Variants in ARL13B observed in about 807,000 individuals in gnomAD.
ARL13B encodes the protein ARF like GTPase 13B.
ARL13B carries 36 observed loss-of-function variants against 56.1 expected under a neutral mutation model. That is an observed-to-expected ratio of 0.64 (90% CI 0.49 to 0.85). The LOEUF is 0.85. Ranked by LOEUF, ARL13B falls within the 40% of genes least tolerant of loss-of-function variation. The probability of loss-of-function intolerance (pLI) is 0.00; values close to 1 mark genes in which losing one functional copy is unlikely to be tolerated. For missense variants in ARL13B, 519 were observed against 507.1 expected (o/e 1.02, Z -0.23); for synonymous variants, 178 against 171.1 (o/e 1.04, Z -0.32).
intron 2 of ARL13B, among the ~76,000 whole-genome samples, chr3:94,000,758 A>G (rs1481029934): frequency 6.6e-6 from 1 of 152,118 alleles, no homozygotes; most frequent in African/African-American, 2.4e-5. Context: ...GAAATGCTCA[A>G]AAATTTATTG....
intron 3 of ARL13B, chr3:94,015,295 A>C: frequency 6.7e-7 from 1 of 1,499,502 alleles, no homozygotes; most frequent in South Asian, 1.4e-5. Flanking sequence ...AAGAAGCAAA[A>C]ATTTTTGTGT....
At position 94,054,824 on chromosome 3, in the gene ARL13B, A is replaced by G. The variant is rs753971802; in HGVS notation, c.*1561A>G. 4 of 374,172 alleles carry G rather than the reference A, an allele frequency of 1.1e-5. No individual in the cohort carries two copies. The allele number at this position is 374,172 out of a possible 1,614,324, so 23.2% of individuals were successfully genotyped here. A position where few individuals can be genotyped will look rare whatever the true frequency, so the allele number is the denominator to read the frequency against. On this transcript the variant is annotated 3_prime_UTR_variant, in exon 10 of 10. Transcript: ENST00000394222. Reference sequence around the variant, plus strand: ...TCAGATCTAAAATTCGTAACAACCTAAATTTGAGAGGTGGCTGAAATGTGA... The same window carrying G: ...TCAGATCTAAAATTCGTAACAACCTGAATTTGAGAGGTGGCTGAAATGTGA...
chr3:94,036,806 C>T lies in ARL13B; in HGVS notation c.689+52C>T, dbSNP rs1173328115. 3.3e-6 allele frequency: 5 copies of T among 1,536,218 alleles called. No homozygotes were observed. The African/African-American group carries it at 6.9e-5, about 21-fold the overall frequency. Reference sequence around the variant, plus strand: ...TGCATTTGAAGGATCAAAAACATAACAATTTTATGAATCAGTTGTTAGTTT... The same window carrying T: ...TGCATTTGAAGGATCAAAAACATAATAATTTTATGAATCAGTTGTTAGTTT... On this transcript the variant is annotated intron_variant, in intron 5 of 9. Coordinates refer to ENST00000394222, the MANE Select transcript of ARL13B (RefSeq NM_001174150.2).
At position 94,024,041 on chromosome 3, in the gene ARL13B, A is replaced by G. The variant is rs1003740753; in HGVS notation, c.381-11290A>G. 7.2e-5 allele frequency among the ~76,000 whole-genome samples: 11 copies of G among 152,256 alleles called. No homozygotes were observed. The East Asian group carries it at 1.9e-3, about 27-fold the overall frequency. ...ACTATATGGAGATTGATATTCTTAT[A>G]TTTTCTTCTGCTTCAACTCATAGTC... is the stretch of plus-strand genomic sequence containing the variant. On this transcript the variant is annotated intron_variant, in intron 3 of 9. Coordinates refer to ENST00000394222, the MANE Select transcript of ARL13B (RefSeq NM_001174150.2).
At position 93,989,994 on chromosome 3, in the gene ARL13B, TTTTTGTTTTG is replaced by T. The variant is rs562407104; in HGVS notation, c.60-5861_60-5852del. ...GATAATACAGTTTGAGTATCTCTTT[TTTTTGTTTTG>T]TTTTGTTTTGTTTTGTTTGAGACGA... On this transcript the variant is annotated intron_variant, in intron 1 of 9. Transcript: ENST00000394222. 8.9e-3 allele frequency among the ~76,000 whole-genome samples: 1,347 copies of T among 152,040 alleles called. 9 individuals carry two copies. Among genetic ancestry groups the T allele is most frequent in the Non-Finnish European group, 0.013 (916 of 68,002 alleles).
chr3:94,025,828 A>G (rs2076544567), intron 3 of ARL13B, among the ~76,000 whole-genome samples: 1 of 152,146 alleles, frequency 6.6e-6, no homozygotes, highest in Non-Finnish European at 1.5e-5. Context: ...CTGTCTTTGT[A>G]TACAGATTAT....
At chr3:94,037,883 C>T (rs1385726840) in intron 5 of ARL13B, among the ~76,000 whole-genome samples, 1 of 152,036 alleles carries the variant, frequency 6.6e-6, no homozygotes, top group African/African-American at 2.4e-5. Flanking sequence ...TTATGGCAGG[C>T]TTTTCCAATA....
At chr3:94,052,240 T>G (rs2077078208) in intron 9 of ARL13B, among the ~76,000 whole-genome samples, 1 of 152,166 alleles carries the variant, frequency 6.6e-6, no homozygotes, top group Non-Finnish European at 1.5e-5. Context: ...TCATTTAACA[T>G]ACAAGTATTT....
chr3:94,011,149 A>T (rs1034161657), intron 3 of ARL13B, among the ~76,000 whole-genome samples: 16 of 152,250 alleles, frequency 1.1e-4, no homozygotes, highest in African/African-American at 3.8e-4. Context: ...TGTTTATGAA[A>T]TACATATTTT....
intron 3 of ARL13B, among the ~76,000 whole-genome samples, chr3:94,008,730 A>G (rs955401160): frequency 6.6e-6 from 1 of 152,110 alleles, no homozygotes; most frequent in Non-Finnish European, 1.5e-5. Context: ...TGAATCTCCT[A>G]ATGCTTTTAA....
intron 3 of ARL13B, 98 bp downstream of exon 3, chr3:94,004,006 C>T (rs186946002): frequency 4.6e-6 from 7 of 1,535,084 alleles, no homozygotes; most frequent in Non-Finnish European, 6.2e-6. Context: ...AAAATAGTCA[C>T]GCTTTAGTAT....
At chr3:94,006,304 A>G (rs1293629379) in intron 3 of ARL13B, among the ~76,000 whole-genome samples, 2 of 152,216 alleles carry the variant, frequency 1.3e-5, no homozygotes, top group East Asian at 3.8e-4. Flanking sequence ...TCAAAAATAA[A>G]TAAATAAAAT....
intron 3 of ARL13B, among the ~76,000 whole-genome samples, chr3:94,017,951 T>C (rs2107504275): frequency 6.6e-6 from 1 of 152,290 alleles, no homozygotes; most frequent in African/African-American, 2.4e-5. Flanking sequence ...ATAAAGGACT[T>C]GTGGGCCAAA....
In ARL13B at chr3:94,039,876, A is replaced by G; in HGVS notation, c.690-4A>G. The G allele has an allele frequency of 6.2e-7, 1 of 1,613,674 alleles. No homozygotes were observed. The highest frequency in any genetic ancestry group is 8.5e-7 in the Non-Finnish European group (1 of 1,179,796). ...AATTTCAATTATTTTTCCTCAAACG[A>G]TAGAAAACAAAATGAACAGGAGCAG... On this transcript the variant is annotated splice_region_variant and splice_polypyrimidine_tract_variant and intron_variant, in intron 5 of 9. Transcript: ENST00000394222.
chr3:93,991,007 A>C (rs1442080330), intron 1 of ARL13B, among the ~76,000 whole-genome samples: 1 of 152,082 alleles, frequency 6.6e-6, no homozygotes, highest in Admixed American at 6.5e-5. Flanking sequence ...AACATTTTAA[A>C]CTTTCATAGT....
At position 94,054,127 on chromosome 3, in the gene ARL13B, A is replaced by G. The variant is rs963786715; in HGVS notation, c.*864A>G. On this transcript the variant is annotated 3_prime_UTR_variant, in exon 10 of 10. Transcript: ENST00000394222. Reference sequence around the variant, plus strand: ...ACTTTCAGAGATCAAGGTGCTCCCTATACTCCCTTGTTCCATCAGAAGCTG... The same window carrying G: ...ACTTTCAGAGATCAAGGTGCTCCCTGTACTCCCTTGTTCCATCAGAAGCTG... The G allele has an allele frequency of 1.5e-5, 7 of 452,982 alleles. No individual in the cohort carries two copies. Among genetic ancestry groups the G allele is most frequent in the African/African-American group, 1.2e-4 (6 of 49,972 alleles). The allele number at this position is 452,982 out of a possible 1,614,324, so 28.1% of individuals were successfully genotyped here.
At chr3:94,033,965 G>A (rs1560001690) in intron 3 of ARL13B, among the ~76,000 whole-genome samples, 2 of 152,160 alleles carry the variant, frequency 1.3e-5, no homozygotes, top group Non-Finnish European at 2.9e-5. Context: ...GAGTCATGGG[G>A]GTGGTAGTGG....
Position 93,980,276 on chromosome 3 carries a change from G to C in ARL13B, c.-148G>C. On this transcript the variant is annotated 5_prime_UTR_variant, in exon 1 of 10. Coordinates refer to ENST00000394222, the MANE Select transcript of ARL13B (RefSeq NM_001174150.2). ...CGCGGTTAGCAAGGCTTAGTGCTCG[G>C]GCCGGCCGCCTTCACTTCCCTCCCG... 15 of 1,028,182 alleles carry C rather than the reference G, an allele frequency of 1.5e-5. No homozygotes were observed. Among genetic ancestry groups the C allele is most frequent in the Non-Finnish European group, 2.2e-5 (15 of 676,680 alleles). 63.7% of individuals were successfully genotyped at this position (1,028,182 alleles called of 1,614,324 possible).
chr3:94,017,677 G>A (rs1268165061), intron 3 of ARL13B, among the ~76,000 whole-genome samples: 1 of 152,076 alleles, frequency 6.6e-6, no homozygotes, highest in Non-Finnish European at 1.5e-5. Flanking sequence ...AAGATAAACG[G>A]GATAATTTTA....
Sources: allele counts gnomAD v4.1 joint callset (sites outside exome capture counted in the v4.1 genomes callset), GRCh38; gene constraint gnomAD v4.1.1; transcripts MANE v1.5; gene names NCBI Gene and HGNC (gene_info 2026-07-23, HGNC 2026-07-21).